CIT: variants seen among roughly 807,000 people sequenced by gnomAD.
CIT encodes citron rho-interacting serine/threonine kinase.
In CIT, 79 loss-of-function variants were observed where a neutral mutation model predicts 272.7. That is an observed-to-expected ratio of 0.29 (90% confidence interval 0.24 to 0.35). The LOEUF (loss-of-function observed/expected upper bound fraction) is 0.35. Ranked by LOEUF, CIT falls within the 10% of genes least tolerant of loss-of-function variation. The pLI is 1.00. For synonymous variants in CIT, 948 were observed against 995.6 expected, an observed-to-expected ratio of 0.95 and a Z score of 0.90; for missense variants, 1,909 against 2,618.3, an observed-to-expected ratio of 0.73 and a Z score of 5.91.
chr12:119,838,135 C>T (rs531294324), intron 5 of CIT, among the ~76,000 whole-genome samples: 1 of 152,052 alleles, frequency 6.6e-6, no homozygotes, highest in Non-Finnish European at 1.5e-5. Context: ...TGCAGTGCCA[C>T]GATCTCGGCT....
At chr12:119,858,287 C>T (rs1950229365) in intron 3 of CIT, among the ~76,000 whole-genome samples, 1 of 152,218 alleles carries the variant, frequency 6.6e-6, no homozygotes, top group East Asian at 1.9e-4. Flanking sequence ...GAGGCCTAGG[C>T]AAGTGGATCA....
intron 28 of CIT, among the ~76,000 whole-genome samples, chr12:119,727,740 G>GCA: frequency 6.6e-6 from 1 of 152,042 alleles, no homozygotes; most frequent in Admixed American, 6.5e-5. Flanking sequence ...GCCAGCCTGA[G>GCA]CAACATGGGG....
intron 5 of CIT, among the ~76,000 whole-genome samples, chr12:119,848,442 G>A (rs1343931877): frequency 3.9e-5 from 6 of 152,136 alleles, no homozygotes; most frequent in African/African-American, 1.4e-4. Flanking sequence ...TTTAAGGGCT[G>A]AATCAGGAAC....
At chr12:119,725,259 C>T (rs888045771) in intron 28 of CIT, among the ~76,000 whole-genome samples, 5 of 151,820 alleles carry the variant, frequency 3.3e-5, no homozygotes, top group African/African-American at 1.2e-4. Context: ...CTTGTCTCTA[C>T]TAAAAATACA....
chr12:119,812,010 A>G (rs1026643203), intron 9 of CIT, among the ~76,000 whole-genome samples: 4 of 145,022 alleles, frequency 2.8e-5, no homozygotes, highest in East Asian at 4.1e-4. Context: ...CAGTGGCATG[A>G]TCTCGGCTCA....
In CIT at chr12:119,868,965, C is replaced by T. The variant is rs1294280259; in HGVS notation, c.238+95G>A. 3.5e-6 allele frequency: 5 copies of T among 1,432,328 alleles called. No homozygotes were observed. In the South Asian group the frequency reaches 3.7e-5, roughly 11 times the overall value. The allele number at this position is 1,432,328 out of a possible 1,614,324, so 88.7% of individuals were successfully genotyped here. On this transcript the variant is annotated intron_variant, in intron 3 of 47. Transcript: ENST00000392521. ...GTCTTATATAGAACCAGAGTTCTTA[C>T]CGACTACTATCAACCAGTAACTCAT... is the stretch of plus-strand genomic sequence containing the variant.
rs1047417106 is a variant in CIT, at chr12:119,785,033, T to G, written c.1328A>C (p.Lys443Thr). The G allele has an allele frequency of 1.9e-6, 3 of 1,614,084 alleles. No homozygotes were observed. The African/African-American group carries it at 4.0e-5, about 22-fold the overall frequency. Residue 443 changes from lysine to threonine, a missense_variant, in exon 11 of 48, where the codon AAG (lysine) becomes ACG (threonine). Physicochemically the swap from Lys to Thr is moderately conservative, Grantham distance 78 (BLOSUM62 -1). Transcript: ENST00000392521. ...SVVSGLDSPA[K>T]TSSMEKKLLI... is the part of the protein sequence containing the mutation. Reference sequence around the variant, plus strand: ...AAGTTTCTTTTCCATGGAGCTAGTCTTGGCAGGGGAGTCCAGACCCGACAC... The same window carrying G: ...AAGTTTCTTTTCCATGGAGCTAGTCGTGGCAGGGGAGTCCAGACCCGACAC...
intron 9 of CIT, among the ~76,000 whole-genome samples, chr12:119,806,613 TC>T (rs1593819315): frequency 6.7e-6 from 1 of 149,096 alleles, no homozygotes; most frequent in South Asian, 2.2e-4. Context: ...CAGGATTTTC[TC>T]CCCACCCCAC....
In CIT at chr12:119,710,492, G is replaced by C; in HGVS notation, c.4935+48C>G. 6.2e-7 allele frequency: 1 copy of C among 1,611,356 alleles called. No individual in the cohort carries two copies. The highest frequency in any genetic ancestry group is 8.5e-7 in the Non-Finnish European group (1 of 1,177,496). ...CCACAGCCCTTTCTTTCTTGATGGG[G>C]TGTGGCTGTAACCAGACACCAGCTG... On this transcript the variant is annotated intron_variant, in intron 38 of 47. Transcript: ENST00000392521. This position sits in a 1 kb window ranked among gnomAD's most constrained non-coding sequence, Gnocchi z 5.6.
intron 4 of CIT, among the ~76,000 whole-genome samples, chr12:119,850,910 G>A (rs1054140212): frequency 2.0e-5 from 3 of 152,190 alleles, no homozygotes; most frequent in Non-Finnish European, 4.4e-5. Flanking sequence ...CCACCAAGGG[G>A]AGGTGGGATA....
At chr12:119,840,842 G>A (rs542124512) in intron 5 of CIT, among the ~76,000 whole-genome samples, 1 of 152,162 alleles carries the variant, frequency 6.6e-6, no homozygotes, top group Non-Finnish European at 1.5e-5. Flanking sequence ...ACTATCATAA[G>A]CTGCCACATT....
chr12:119,825,307 A>C lies in CIT; in HGVS notation c.815T>G (p.Met272Arg), dbSNP rs1968074030. 1 of 1,614,072 alleles carries C rather than the reference A, an allele frequency of 6.2e-7. No homozygotes were observed. The highest frequency in any genetic ancestry group is 1.7e-5 in the Admixed American group (1 of 60,000). ...DYMAPEVLTV[M>R]NGDGKGTYGL... The stretch of plus-strand genomic sequence containing the variant: ...GTAGGTGCCTTTTCCATCCCCGTTC[A>C]TCACAGTCAGCACTTCAGGAGCCAT... The change falls in exon 8 of 48, where the codon ATG becomes AGG. Residue 272 changes from methionine to arginine, a missense_variant. Met to Arg is a moderately conservative substitution (Grantham distance 91). This residue lies in a region of CIT where 529 missense variants were observed against 549.6 expected (regional missense o/e 0.96). Transcript: ENST00000392521.
At chr12:119,706,566 G>A (rs1044769356) in intron 40 of CIT, among the ~76,000 whole-genome samples, 1 of 152,074 alleles carries the variant, frequency 6.6e-6, no homozygotes, top group African/African-American at 2.4e-5. Context: ...GCATTAGTTT[G>A]CTTAGGATAA....
chr12:119,703,143 T>A (rs1464625615), intron 41 of CIT, among the ~76,000 whole-genome samples: 1 of 149,230 alleles, frequency 6.7e-6, no homozygotes, highest in Non-Finnish European at 1.5e-5. Flanking sequence ...GGAAGCACGA[T>A]ATAGTGAAAT....
chr12:119,818,658 T>C lies in CIT; in HGVS notation c.1111+4162A>G, dbSNP rs141067370. ...AAAAATCAGGATCATGTGGCAAGAA[T>C]TGTTTCTTTCAGAGAATAGCAAAAG... On this transcript the variant is annotated intron_variant, in intron 9 of 47. Coordinates refer to ENST00000392521, the MANE Select transcript of CIT (RefSeq NM_001206999.2). Among the ~76,000 whole-genome samples the C allele has an allele frequency of 3.4e-4, 52 of 152,326 alleles. 1 individual carries two copies. Among genetic ancestry groups the C allele is most frequent in the African/African-American group, 1.2e-3 (51 of 41,570 alleles).
chr12:119,734,105 C>G (rs1958624289), intron 26 of CIT, 59 bp downstream of exon 26: 2 of 1,559,660 alleles, frequency 1.3e-6, no homozygotes, highest in African/African-American at 1.4e-5. Flanking sequence ...GTCCACAACT[C>G]TCAGGCCGAT....
chr12:119,795,863 G>A (rs758063569), intron 10 of CIT, among the ~76,000 whole-genome samples: 2 of 152,314 alleles, frequency 1.3e-5, no homozygotes, highest in African/African-American at 2.4e-5. Flanking sequence ...TAAAGTACTC[G>A]CATAGTTCTG....
chr12:119,700,791 A>T lies in CIT; in HGVS notation c.5577T>A (p.Arg1859=). The change falls in exon 44 of 48, where the codon CGT becomes CGA. Residue 1859 remains arginine, a synonymous_variant. Transcript: ENST00000392521. ...FGVFVDSYGR[R]SRTDDLKWSR... ...TCCACTTGAGATCGTCTGTGCGGCTACGTCTTCCGTAAGAATCCACGAACA... is the reference window on the plus strand; with the variant it reads ...TCCACTTGAGATCGTCTGTGCGGCTTCGTCTTCCGTAAGAATCCACGAACA... The T allele has an allele frequency of 6.2e-7, 1 of 1,614,052 alleles. No homozygotes were observed. Among genetic ancestry groups the T allele is most frequent in the Non-Finnish European group, 8.5e-7 (1 of 1,179,976 alleles).
chr12:119,829,575 T>C (rs1380736315), intron 7 of CIT, among the ~76,000 whole-genome samples: 4 of 152,188 alleles, frequency 2.6e-5, no homozygotes, highest in Non-Finnish European at 5.9e-5. Context: ...TCTTGTGGGG[T>C]TGCAACTGCC....
Sources: gnomAD v4.1 joint callset for allele counts (sites outside exome capture counted in the v4.1 genomes callset) on GRCh38, gnomAD v4.1.1 for gene constraint, gnomAD v4.1.1 regional missense constraint, Gnocchi (gnomAD v3.1) non-coding constraint, MANE v1.5 for transcripts, NCBI Gene and HGNC (gene_info 2026-07-23, HGNC 2026-07-21) for gene names.